Variants in ITGAX observed in about 807,000 individuals in gnomAD.
ITGAX encodes integrin alpha-X.
A neutral mutation model predicts 140.2 loss-of-function variants in ITGAX; 99 were observed. The ratio of observed to expected loss-of-function variants is 0.71; its 90% confidence interval spans 0.60 to 0.83. The LOEUF (loss-of-function observed/expected upper bound fraction) is 0.83. Among genes scored for constraint, ITGAX ranks in the 40% least tolerant of loss-of-function variants. ITGAX has a pLI of 0.00. For synonymous variants in ITGAX, 631 were observed against 600.4 expected, an observed-to-expected ratio of 1.05 and a Z score of -0.75; for missense variants, 1,444 against 1,482.0, an observed-to-expected ratio of 0.97 and a Z score of 0.42.
chr16:31,377,369 G>A, intron 23 of ITGAX, 104 bp downstream of exon 23: 2 of 909,892 alleles, frequency 2.2e-6, no homozygotes, highest in Non-Finnish European at 3.3e-6. Flanking sequence ...GAGATAAGGT[G>A]TTTGAAACTA....
chr16:31,379,751 G>A lies in ITGAX; in HGVS notation c.2869-6G>A, dbSNP rs544843515. 6.2e-7 allele frequency: 1 copy of A among 1,612,800 alleles called. No individual in the cohort carries two copies. Among genetic ancestry groups the A allele is most frequent in the South Asian group, 1.1e-5 (1 of 90,784 alleles). ...GTGGGCTCTGCCCTCAGTGCCCTCT[G>A]TGCAGGTCAATAACCTGGGACAGAG... On this transcript the variant is annotated splice_polypyrimidine_tract_variant and splice_region_variant and intron_variant, in intron 24 of 29. Transcript: ENST00000268296.
intron 8 of ITGAX, 200 bp from the exon 9 acceptor site, chr16:31,360,863 A>G: frequency 1.7e-6 from 1 of 574,046 alleles, no homozygotes; most frequent in Non-Finnish European, 3.0e-6. Flanking sequence ...TTACTGCCTT[A>G]AGGATGAAAA....
intron 20 of ITGAX, among the ~76,000 whole-genome samples, chr16:31,374,917 C>T (rs2081005822): frequency 6.6e-6 from 1 of 152,250 alleles, no homozygotes; most frequent in Non-Finnish European, 1.5e-5. Context: ...GGGCTTTGCC[C>T]TCATGAATGG....
At chr16:31,361,295 A>G in intron 9 of ITGAX, 82 bp downstream of exon 9, 1 of 1,443,488 alleles carries the variant, frequency 6.9e-7, no homozygotes, top group Non-Finnish European at 9.4e-7. Flanking sequence ...TCCGTGAAAC[A>G]GGTAGACAGC....
rs917150618 is a variant in ITGAX at position 31,380,607 on chromosome 16, G to C, written c.3259G>C (p.Ala1087Pro). 5 of 1,614,112 alleles carry C rather than the reference G, an allele frequency of 3.1e-6. No individual in the cohort carries two copies. The African/African-American group carries it at 6.7e-5, about 22-fold the overall frequency. ...GTACTCCCAGCTTCCAGGACAGGAG[G>C]CATTTATGAGAGCTCAGGTAGAGAC... is the stretch of plus-strand genomic sequence containing the variant. Reference protein sequence around the residue: ...SVYSQLPGQEAFMRAQTTTVL... With the variant: ...SVYSQLPGQEPFMRAQTTTVL... Residue 1087 changes from alanine (A) to proline (P), a missense_variant, in exon 28 of 30, where the codon GCA (alanine) becomes CCA (proline). Transcript: ENST00000268296.
chr16:31,372,520 G>A lies in ITGAX; in HGVS notation c.2292+11G>A. ...TACTTCACGGCCTCCGTGAGTCCTGGCACTGGGTCTCCCAGAGAGGGTGCA... is the reference window on the plus strand; with the variant it reads ...TACTTCACGGCCTCCGTGAGTCCTGACACTGGGTCTCCCAGAGAGGGTGCA... On this transcript the variant is annotated intron_variant, in intron 18 of 29. Transcript: ENST00000268296. 2.5e-6 allele frequency: 4 copies of A among 1,611,346 alleles called. No homozygotes were observed. The highest frequency in any genetic ancestry group is 1.1e-5 in the South Asian group (1 of 90,952).
intron 5 of ITGAX, 112 bp from the exon 6 acceptor site, chr16:31,359,588 T>A: frequency 7.7e-7 from 1 of 1,300,924 alleles, no homozygotes; most frequent in Non-Finnish European, 1.1e-6. Flanking sequence ...ATCGCCAGAC[T>A]AGGGGCTTAG....
At position 31,361,836 on chromosome 16, in the gene ITGAX, G is replaced by A; in HGVS notation, c.1013G>A (p.Gly338Asp). The change falls in exon 10 of 30, where the codon GGT (glycine) becomes GAT (aspartate). Residue 338 changes from glycine to aspartate, a missense_variant and splice_region_variant. Physicochemically the swap from Gly to Asp is moderately conservative, Grantham distance 94. Coordinates refer to ENST00000268296, the MANE Select transcript of ITGAX (RefSeq NM_000887.5). The stretch of plus-strand genomic sequence containing the variant: ...ACTCAAGCGTCATGCCTTCCCCCAG[G>A]TACGGAGACCACAAGCAGTAGCTCC... ...QLKEKIFAIE[G>D]TETTSSSSFE... is the part of the protein sequence containing the mutation. 1 of 1,614,004 alleles carries A rather than the reference G, an allele frequency of 6.2e-7. No individual in the cohort carries two copies. Among genetic ancestry groups the A allele is most frequent in the Non-Finnish European group, 8.5e-7 (1 of 1,179,980 alleles).
intron 14 of ITGAX, among the ~76,000 whole-genome samples, chr16:31,369,290 C>T (rs1433717546): frequency 1.6e-5 from 1 of 61,994 alleles, no homozygotes; most frequent in Admixed American, 1.4e-4. Flanking sequence ...GGGGGGCTGA[C>T]CCCCCCCCCC....
intron 9 of ITGAX, 50 bp from the exon 10 acceptor site, chr16:31,361,786 G>A: frequency 3.8e-6 from 6 of 1,588,588 alleles, no homozygotes; most frequent in Non-Finnish European, 5.2e-6. Flanking sequence ...TCTTGGACCT[G>A]GCAAAGCCCG....
At position 31,371,474 on chromosome 16, in the gene ITGAX, G is replaced by A. The variant is rs185058807; in HGVS notation, c.1982G>A (p.Arg661His). 1.9e-4 allele frequency: 309 copies of A among 1,614,044 alleles called. No individual in the cohort carries two copies. In the East Asian group the frequency reaches 4.1e-3, roughly 21 times the overall value. Residue 661 changes from arginine to histidine, a missense_variant, in exon 16 of 30, where the codon CGT becomes CAT. Transcript: ENST00000268296. ...AACATCTGCCTTTACATTGACAAAC[G>A]TTCTAAGAACCTGCTTGGGAGCCGT... ...QSNICLYIDK[R>H]SKNLLGSRDL...
chr16:31,371,836 C>T (rs1261123659), intron 17 of ITGAX, 52 bp downstream of exon 17: 2 of 1,593,458 alleles, frequency 1.3e-6, no homozygotes, highest in Non-Finnish European at 1.7e-6. Flanking sequence ...TGGCAGAAGG[C>T]AGGGCAGGGA....
chr16:31,355,561 C>G (rs1384666917), intron 1 of ITGAX, among the ~76,000 whole-genome samples: 1 of 152,180 alleles, frequency 6.6e-6, no homozygotes, highest in African/African-American at 2.4e-5. Flanking sequence ...GCAGAATGCG[C>G]CAACTTGTGC....
At chr16:31,364,377 T>C (rs1436420099) in intron 14 of ITGAX, among the ~76,000 whole-genome samples, 1 of 139,526 alleles carries the variant, frequency 7.2e-6, no homozygotes, top group Non-Finnish European at 1.5e-5. Flanking sequence ...CAGTGAGCTA[T>C]GATTGCGTCA....
chr16:31,380,820 T>A, intron 28 of ITGAX, 77 bp from the exon 29 acceptor site: 1 of 1,391,002 alleles, frequency 7.2e-7, no homozygotes, highest in Non-Finnish European at 1.0e-6. Context: ...GGGAGGGAGT[T>A]AAAGGTTGGG....
At chr16:31,366,515 C>T (rs2142503666) in intron 14 of ITGAX, among the ~76,000 whole-genome samples, 1 of 152,242 alleles carries the variant, frequency 6.6e-6, no homozygotes, top group East Asian at 1.9e-4. Context: ...ACATGTCTCT[C>T]ACTATTTATT....
At chr16:31,372,176 AG>A (rs2080973295) in intron 17 of ITGAX, among the ~76,000 whole-genome samples, 1 of 131,210 alleles carries the variant, frequency 7.6e-6, no homozygotes, top group South Asian at 2.5e-4. Flanking sequence ...GGGGGGGGGG[AG>A]GAAAAAAACA....
Position 31,360,341 on chromosome 16 carries a change from C to G in ITGAX, c.739C>G (p.Arg247Gly), listed in dbSNP as rs767214270. 3 of 1,613,804 alleles carry G rather than the reference C, an allele frequency of 1.9e-6. No individual in the cohort carries two copies. Among genetic ancestry groups the G allele is most frequent in the Non-Finnish European group, 1.7e-6 (2 of 1,179,828 alleles). Residue 247 changes from arginine (R) to glycine (G), a missense_variant, in exon 8 of 30, where the codon CGT (arginine) becomes GGT (glycine). Physicochemically the swap from Arg to Gly is moderately radical, Grantham distance 125. Transcript: ENST00000268296. ...ATTGTTCCATGCCTCATATGGGGCC[C>G]GTAGGGATGCCGCCAAAATTCTCAT... Reference protein sequence around the residue: ...HRLFHASYGARRDAAKILIVI... With the variant: ...HRLFHASYGAGRDAAKILIVI...
rs745545581 is a variant in ITGAX at position 31,371,453 on chromosome 16, T to A, written c.1961T>A (p.Ile654Asn). The change falls in exon 16 of 30, where the codon ATC becomes AAC. Residue 654 changes from isoleucine (I) to asparagine (N), a missense_variant. Ile to Asn is a moderately radical substitution (Grantham distance 149). Transcript: ENST00000268296. The stretch of plus-strand genomic sequence containing the variant: ...GAGCAGACCCTGGTACAGTCCAACA[T>A]CTGCCTTTACATTGACAAACGTTCT... ...VSEQTLVQSN[I>N]CLYIDKRSKN... The A allele has an allele frequency of 1.2e-6, 2 of 1,613,994 alleles. No individual in the cohort carries two copies. The highest frequency in any genetic ancestry group is 1.7e-6 in the Non-Finnish European group (2 of 1,180,026).
Sources: allele counts gnomAD v4.1 joint callset (sites outside exome capture counted in the v4.1 genomes callset), GRCh38; gene constraint gnomAD v4.1.1; transcripts MANE v1.5; gene names NCBI Gene and HGNC (gene_info 2026-07-23, HGNC 2026-07-21).